Variants in PAQR5 observed in about 807,000 individuals in gnomAD.
PAQR5 encodes membrane progestin receptor gamma.
A neutral mutation model predicts 34.5 loss-of-function variants in PAQR5; 20 were observed. The observed-to-expected ratio is 0.58, with a 90% confidence interval of 0.41 to 0.84. The LOEUF (loss-of-function observed/expected upper bound fraction) is 0.84, where lower values mean the gene tolerates loss of function less well. Ranked by LOEUF, PAQR5 falls within the 40% of genes least tolerant of loss-of-function variation. The pLI is 0.00. For missense variants in PAQR5, 378 were observed against 412.7 expected (o/e 0.92, Z 0.73); for synonymous variants, 131 against 155.6 (o/e 0.84, Z 1.18).
chr15:69,311,891 T>C (rs1473292782), intron 1 of PAQR5, among the ~76,000 whole-genome samples: 3 of 152,062 alleles, frequency 2.0e-5, no homozygotes, highest in Non-Finnish European at 4.4e-5. Flanking sequence ...GCAGGTACAA[T>C]TGAGACCACA....
chr15:69,372,441 G>C (rs1211162900), intron 3 of PAQR5, among the ~76,000 whole-genome samples: 1 of 152,154 alleles, frequency 6.6e-6, no homozygotes, highest in African/African-American at 2.4e-5. Flanking sequence ...TACTCAGGAG[G>C]ATGAGGCAGG....
At chr15:69,380,038 G>A (rs1192424571) in intron 4 of PAQR5, 28 bp downstream of exon 4, 1 of 1,612,088 alleles carries the variant, frequency 6.2e-7, no homozygotes. Context: ...CGACCGGCCT[G>A]TCTCCTTCAG....
In PAQR5 at chr15:69,327,945, A is replaced by AT. The variant is rs565357825; in HGVS notation, c.-276-9389dup. Among the ~76,000 whole-genome samples, 405 of 151,994 alleles carry AT rather than the reference A, an allele frequency of 2.7e-3. 3 individuals are homozygous for AT. The highest frequency in any genetic ancestry group is 9.4e-3 in the African/African-American group (391 of 41,442). On this transcript the variant is annotated intron_variant, in intron 1 of 8. Coordinates refer to ENST00000395407, the MANE Select transcript of PAQR5 (RefSeq NM_017705.4). ...AGGCTCCTGCCACCACACCCGGCTA[A>AT]TTTTTTTGTATTTTTAGTAGAGACA...
chr15:69,345,866 A>G (rs7170935), intron 2 of PAQR5, among the ~76,000 whole-genome samples: 132,902 of 152,204 alleles, frequency 0.87, 58,819 homozygotes, highest in Non-Finnish European at 0.96. Flanking sequence ...CCAGGAGTTC[A>G]AGGCTGCAGT....
chr15:69,360,483 T>A (rs11638463), intron 3 of PAQR5, among the ~76,000 whole-genome samples: 122,023 of 152,168 alleles, frequency 0.8, 52,085 homozygotes, highest in Non-Finnish European at 0.96. Flanking sequence ...GAAAGCAGGC[T>A]ATGGGCAAAG....
chr15:69,400,284 T>C (rs996129133), intron 8 of PAQR5, among the ~76,000 whole-genome samples, 169 bp downstream of exon 8: 2 of 152,108 alleles, frequency 1.3e-5, no homozygotes, highest in Non-Finnish European at 1.5e-5. Context: ...AGCAGGTGCA[T>C]TGTTAGGTAG....
intron 2 of PAQR5, among the ~76,000 whole-genome samples, chr15:69,339,963 T>C (rs984484981): frequency 1.3e-5 from 2 of 151,980 alleles, no homozygotes; most frequent in East Asian, 3.9e-4. Flanking sequence ...GCCTCCCGGG[T>C]TCAAGCGATT....
Position 69,299,060 on chromosome 15 carries a change from A to G in PAQR5, c.-277+4A>G, listed in dbSNP as rs1338515801. 1 of 151,688 alleles carries G rather than the reference A, an allele frequency of 6.6e-6. No individual in the cohort carries two copies. Among genetic ancestry groups the G allele is most frequent in the African/African-American group, 2.4e-5 (1 of 41,300 alleles). 9.4% of individuals were successfully genotyped at this position (151,688 alleles called of 1,614,324 possible). A position where few individuals can be genotyped will look rare whatever the true frequency, so the allele number is the denominator to read the frequency against. On this transcript the variant is annotated splice_donor_region_variant and intron_variant, in intron 1 of 8. Coordinates refer to ENST00000395407, the MANE Select transcript of PAQR5 (RefSeq NM_017705.4). ...TCCCGAGACCCTTGGAACCCAGGTA[A>G]CCCGGGGCGGGACTCCCCGCCGCGC...
chr15:69,359,161 G>A (rs1378722834), intron 2 of PAQR5, among the ~76,000 whole-genome samples: 2 of 152,096 alleles, frequency 1.3e-5, no homozygotes, highest in Non-Finnish European at 1.5e-5. Context: ...TTTTCTATGA[G>A]CACTAATCCC....
chr15:69,302,919 C>G (rs1331049493), intron 1 of PAQR5, among the ~76,000 whole-genome samples: 2 of 152,226 alleles, frequency 1.3e-5, no homozygotes, highest in African/African-American at 2.4e-5. Context: ...TAATCCTTAG[C>G]AGCCATGTCC....
intron 3 of PAQR5, among the ~76,000 whole-genome samples, chr15:69,375,667 G>A (rs186705806): frequency 3.4e-4 from 51 of 152,218 alleles, no homozygotes; most frequent in African/African-American, 1.2e-3. Flanking sequence ...CTTTGCTTCC[G>A]TTACTTTTGA....
chr15:69,322,211 C>T (rs2054114098), intron 1 of PAQR5, among the ~76,000 whole-genome samples: 1 of 148,974 alleles, frequency 6.7e-6, no homozygotes, highest in Non-Finnish European at 1.5e-5. Context: ...GGTGCAGTGG[C>T]TCATGTCTGT....
chr15:69,342,040 A>C (rs2054657085), intron 2 of PAQR5, among the ~76,000 whole-genome samples: 1 of 152,088 alleles, frequency 6.6e-6, no homozygotes, highest in Admixed American at 6.6e-5. Flanking sequence ...AAACTGTCAT[A>C]CTGTTTTCCA....
intron 1 of PAQR5, among the ~76,000 whole-genome samples, chr15:69,336,407 T>C (rs2054516229): frequency 6.6e-6 from 1 of 152,196 alleles, no homozygotes; most frequent in Non-Finnish European, 1.5e-5. Context: ...TTGGGCTATA[T>C]TTGTGTAAAT....
intron 1 of PAQR5, among the ~76,000 whole-genome samples, chr15:69,311,141 G>A (rs2053826474): frequency 1.3e-5 from 2 of 151,506 alleles, no homozygotes; most frequent in Admixed American, 6.6e-5. Flanking sequence ...AAGCATTTAG[G>A]TGAGTTCCAG....
chr15:69,300,948 C>T (rs28479281), intron 1 of PAQR5, among the ~76,000 whole-genome samples: 1,207 of 3,440 alleles, frequency 0.35, 344 homozygotes, highest in Middle Eastern at 1. Flanking sequence ...TCTTTCTTTC[C>T]TTCTTTCTTT....
intron 4 of PAQR5, chr15:69,382,914 A>G (rs896309492): frequency 2.1e-4 from 31 of 150,592 alleles, no homozygotes; most frequent in Admixed American, 1.8e-3. Context: ...GATAGATTCC[A>G]GGAGGACAGA....
At position 69,379,963 on chromosome 15, in the gene PAQR5, A is replaced by T; in HGVS notation, c.132A>T (p.Gln44His). 1.2e-6 allele frequency: 2 copies of T among 1,614,134 alleles called. No individual in the cohort carries two copies. The highest frequency in any genetic ancestry group is 1.7e-6 in the Non-Finnish European group (2 of 1,180,022). ...SATACILSLF[Q>H]MTNETLNIWT... ...CTGCCTGCATCCTCAGCCTTTTCCA[A>T]ATGACCAATGAGACTCTCAACATTT... Residue 44 changes from glutamine to histidine, a missense_variant, in exon 4 of 9, where the codon CAA becomes CAT. Physicochemically the swap from Gln to His is conservative, Grantham distance 24. Coordinates refer to ENST00000395407, the MANE Select transcript of PAQR5 (RefSeq NM_017705.4).
chr15:69,352,747 GA>G (rs1203051379), intron 2 of PAQR5, among the ~76,000 whole-genome samples: 2 of 152,230 alleles, frequency 1.3e-5, no homozygotes, highest in Non-Finnish European at 2.9e-5. Context: ...CTTGGAAGCA[GA>G]AATGGCCAGA....
Sources: allele counts gnomAD v4.1 joint callset (sites outside exome capture counted in the v4.1 genomes callset), GRCh38; gene constraint gnomAD v4.1.1; transcripts MANE v1.5; gene names NCBI Gene and HGNC (gene_info 2026-07-23, HGNC 2026-07-21).